Variants in CTNNA3 observed in about 807,000 individuals in gnomAD.
CTNNA3 encodes catenin alpha-3.
CTNNA3 carries 76 observed loss-of-function variants against 95.7 expected under a neutral mutation model. The observed-to-expected ratio is 0.79, with a 90% CI of 0.66 to 0.96. The LOEUF is 0.96. Ranked by LOEUF, CTNNA3 falls within the 40% of genes least tolerant of loss-of-function variation. CTNNA3 has a pLI of 0.00. For synonymous variants in CTNNA3, 431 were observed against 374.4 expected (o/e 1.15, Z -1.74); for missense variants, 1,191 against 1,089.8 (o/e 1.09, Z -1.31).
chr10:66,021,374 A>G (rs1424506017), intron 15 of CTNNA3, among the ~76,000 whole-genome samples: 2 of 152,184 alleles, frequency 1.3e-5, no homozygotes, highest in Non-Finnish European at 2.9e-5. Context: ...AAACTGGAGG[A>G]AATTGTAACT....
intron 13 of CTNNA3, among the ~76,000 whole-genome samples, chr10:66,273,964 A>G (rs2091335879): frequency 6.6e-6 from 1 of 152,084 alleles, no homozygotes; most frequent in Non-Finnish European, 1.5e-5. Context: ...CGAAGAAAAG[A>G]CAATTCTAAT....
chr10:67,269,367 C>T (rs1022980146), intron 5 of CTNNA3, among the ~76,000 whole-genome samples: 1 of 152,006 alleles, frequency 6.6e-6, no homozygotes, highest in Non-Finnish European at 1.5e-5. Flanking sequence ...AAATCTTATT[C>T]TCTGAATAAA....
intron 7 of CTNNA3, among the ~76,000 whole-genome samples, chr10:66,846,425 A>T (rs1404791180): frequency 6.6e-6 from 1 of 151,874 alleles, no homozygotes. Flanking sequence ...AACATATTGT[A>T]TACTTGAAAT....
chr10:66,278,214 C>G (rs1036015052), intron 13 of CTNNA3, among the ~76,000 whole-genome samples: 1 of 148,196 alleles, frequency 6.7e-6, no homozygotes, highest in African/African-American at 2.5e-5. Flanking sequence ...AGGAAGTCAA[C>G]CTCTATCCAA....
chr10:66,084,021 G>C (rs2080871578), intron 14 of CTNNA3, among the ~76,000 whole-genome samples: 1 of 151,656 alleles, frequency 6.6e-6, no homozygotes, highest in Non-Finnish European at 1.5e-5. Context: ...TGTAATCCTA[G>C]CTATTCGGGA....
chr10:67,540,019 A>G (rs974683252), intron 3 of CTNNA3, among the ~76,000 whole-genome samples: 8 of 152,190 alleles, frequency 5.3e-5, no homozygotes, highest in Non-Finnish European at 1.2e-4. Context: ...GCTTATAAAA[A>G]CAAGGTAAAT....
rs550091248 is a variant in CTNNA3 at position 66,198,910 on chromosome 10, T to C, written c.1884+81560A>G. On this transcript the variant is annotated intron_variant, in intron 13 of 17. Coordinates refer to ENST00000433211, the MANE Select transcript of CTNNA3 (RefSeq NM_013266.4). Reference sequence around the variant, plus strand: ...CTTCCTTTTGAAGGTTTTGAAGAAATATGTTTTCATTCAGCTGGACTTCTA... The same window carrying C: ...CTTCCTTTTGAAGGTTTTGAAGAAACATGTTTTCATTCAGCTGGACTTCTA... Among the ~76,000 whole-genome samples the C allele has an allele frequency of 2.0e-5, 3 of 152,348 alleles. 1 individual carries two copies. The highest frequency in any genetic ancestry group is 7.2e-5 in the African/African-American group (3 of 41,582).
At chr10:66,659,219 T>C (rs972034362) in intron 9 of CTNNA3, among the ~76,000 whole-genome samples, 26 of 132,380 alleles carry the variant, frequency 2.0e-4, no homozygotes, top group South Asian at 2.4e-4. Context: ...CACACACACA[T>C]ACGTGTAGTT....
intron 6 of CTNNA3, among the ~76,000 whole-genome samples, chr10:67,189,612 T>C (rs971192591): frequency 9.2e-5 from 14 of 152,004 alleles, no homozygotes; most frequent in African/African-American, 3.1e-4. Context: ...ATTTAAAAAA[T>C]TTTAAATGAA....
intron 2 of CTNNA3, among the ~76,000 whole-genome samples, chr10:67,625,940 T>TTTGAGAGGC (rs1204024421): frequency 6.6e-6 from 1 of 152,162 alleles, no homozygotes; most frequent in Non-Finnish European, 1.5e-5. Context: ...ATCCCAGCAC[T>TTTGAGAGGC]TTGAGAGGCT....
intron 5 of CTNNA3, among the ~76,000 whole-genome samples, chr10:67,475,186 A>C (rs920113851): frequency 6.6e-6 from 1 of 152,246 alleles, no homozygotes; most frequent in African/African-American, 2.4e-5. Context: ...ACATTATTAC[A>C]TGATTCCATT....
chr10:66,638,263 T>C (rs1393753694), intron 9 of CTNNA3, among the ~76,000 whole-genome samples: 1 of 152,186 alleles, frequency 6.6e-6, no homozygotes, highest in Non-Finnish European at 1.5e-5. Flanking sequence ...GTGACTTGTT[T>C]TTAAATTTGC....
chr10:66,665,512 G>A (rs1159266519), intron 9 of CTNNA3, among the ~76,000 whole-genome samples: 1 of 152,062 alleles, frequency 6.6e-6, no homozygotes, highest in East Asian at 1.9e-4. Context: ...GACATTCTTT[G>A]TATAGGCTTA....
intron 7 of CTNNA3, among the ~76,000 whole-genome samples, chr10:67,161,589 C>T (rs1861553741): frequency 6.6e-6 from 1 of 151,768 alleles, no homozygotes; most frequent in Admixed American, 6.6e-5. Context: ...ATTCAAGTAA[C>T]TGACAAAAAG....
intron 13 of CTNNA3, among the ~76,000 whole-genome samples, chr10:66,240,045 T>C (rs2090036593): frequency 6.6e-6 from 1 of 152,006 alleles, no homozygotes; most frequent in South Asian, 2.1e-4. Flanking sequence ...GTTATAGATA[T>C]CCATAAGTGT....
At position 66,050,564 on chromosome 10, in the gene CTNNA3, T is replaced by C. The variant is rs557210844; in HGVS notation, c.2159+18744A>G. On this transcript the variant is annotated intron_variant, in intron 15 of 17. Transcript: ENST00000433211. ...ATCCTGCCTCAGCCTCTTCACTAGC[T>C]GGGACGACAGGCTAGGGCCACTATG... Among the ~76,000 whole-genome samples the C allele has an allele frequency of 7.2e-5, 11 of 152,244 alleles. No individual in the cohort carries two copies. In the South Asian group the frequency reaches 2.3e-3, roughly 32 times the overall value.
At chr10:66,961,036 T>C (rs1849082155) in intron 7 of CTNNA3, among the ~76,000 whole-genome samples, 1 of 152,172 alleles carries the variant, frequency 6.6e-6, no homozygotes, top group Admixed American at 6.6e-5. Context: ...GACATAGTTA[T>C]CACAATATTA....
intron 7 of CTNNA3, among the ~76,000 whole-genome samples, chr10:67,039,479 T>A (rs914537251): frequency 6.6e-6 from 1 of 152,168 alleles, no homozygotes; most frequent in African/African-American, 2.4e-5. Context: ...TCCAAGTATA[T>A]AATAATTTTT....
At chr10:67,212,403 T>C (rs1864175442) in intron 6 of CTNNA3, among the ~76,000 whole-genome samples, 1 of 152,030 alleles carries the variant, frequency 6.6e-6, no homozygotes, top group South Asian at 2.1e-4. Context: ...TGAGCCTTTA[T>C]ATAAAAGTAA....
Sources: allele counts gnomAD v4.1 joint callset (sites outside exome capture counted in the v4.1 genomes callset), GRCh38; gene constraint gnomAD v4.1.1; transcripts MANE v1.5; gene names NCBI Gene and HGNC (gene_info 2026-07-23, HGNC 2026-07-21).